The following GMPR variants were observed in gnomAD, a reference collection of about 807,000 sequenced individuals.
GMPR encodes GMP reductase 1.
Under a neutral mutation model 38.4 loss-of-function variants are expected in GMPR, and 31 were observed. That is an observed-to-expected ratio of 0.81 (90% CI 0.61 to 1.09). The LOEUF (loss-of-function observed/expected upper bound fraction) is 1.09. GMPR is among the 50% of genes least tolerant of loss of function. The probability of loss-of-function intolerance (pLI) is 0.00; values close to 1 mark genes in which losing one functional copy is unlikely to be tolerated. For missense variants in GMPR, 468 were observed against 453.7 expected, an observed-to-expected ratio of 1.03 and a Z score of -0.29; for synonymous variants, 162 against 173.3, an observed-to-expected ratio of 0.93 and a Z score of 0.51.
intron 6 of GMPR, among the ~76,000 whole-genome samples, chr6:16,279,735 G>A (rs1759543518): frequency 6.6e-6 from 1 of 152,190 alleles, no homozygotes; most frequent in South Asian, 2.1e-4. Context: ...CAGGCGTGAG[G>A]GGCAGCAGGA....
chr6:16,267,188 C>T (rs1003800848), intron 4 of GMPR, among the ~76,000 whole-genome samples: 4 of 152,034 alleles, frequency 2.6e-5, no homozygotes, highest in Non-Finnish European at 5.9e-5. Flanking sequence ...ACGGTGAAAC[C>T]CTATCTCTAC....
intron 2 of GMPR, among the ~76,000 whole-genome samples, chr6:16,247,377 CT>C (rs539745655): frequency 6.9e-3 from 978 of 141,326 alleles, no homozygotes; most frequent in Non-Finnish European, 6.0e-3. Context: ...TAATGTATTT[CT>C]TTTTTTTTTT....
At chr6:16,264,458 C>T (rs1015890367) in intron 4 of GMPR, 11 of 173,218 alleles carry the variant, frequency 6.4e-5, no homozygotes, top group African/African-American at 2.2e-4. Context: ...GGAGGTCCCC[C>T]GATCTGAGTC....
At chr6:16,244,777 G>A (rs375812210) in intron 1 of GMPR, among the ~76,000 whole-genome samples, 1 of 152,170 alleles carries the variant, frequency 6.6e-6, no homozygotes, top group Non-Finnish European at 1.5e-5. Context: ...CCTGGGTTAT[G>A]TGTGTGTGTC....
intron 4 of GMPR, among the ~76,000 whole-genome samples, chr6:16,264,010 GC>G: frequency 6.6e-6 from 1 of 151,832 alleles, no homozygotes; most frequent in Non-Finnish European, 1.5e-5. Flanking sequence ...TAGGGTACTT[GC>G]CCCTTCCCCA....
intron 5 of GMPR, among the ~76,000 whole-genome samples, chr6:16,277,101 C>T (rs1759486268): frequency 6.6e-6 from 1 of 152,204 alleles, no homozygotes; most frequent in Non-Finnish European, 1.5e-5. Context: ...ACCTTTTATT[C>T]TGCCGTGCAC....
chr6:16,284,484 C>T (rs1490273588), intron 6 of GMPR, among the ~76,000 whole-genome samples: 2 of 152,212 alleles, frequency 1.3e-5, no homozygotes, highest in African/African-American at 2.4e-5. Flanking sequence ...CGGACAGGTG[C>T]TTCCCTCTGA....
intron 4 of GMPR, chr6:16,264,366 CT>C: frequency 3.9e-6 from 1 of 253,168 alleles, no homozygotes; most frequent in South Asian, 4.1e-5. Flanking sequence ...TGAGATGTTT[CT>C]TGGGCTGGTC....
At chr6:16,289,087 C>T (rs577997077) in intron 7 of GMPR, among the ~76,000 whole-genome samples, 14 of 152,326 alleles carry the variant, frequency 9.2e-5, no homozygotes, top group East Asian at 3.9e-4. Context: ...TTGTTTCGCT[C>T]TTTGCAATAG....
intron 7 of GMPR, among the ~76,000 whole-genome samples, chr6:16,289,319 G>A (rs924869123): frequency 2.0e-5 from 3 of 152,216 alleles, no homozygotes; most frequent in South Asian, 2.1e-4. Flanking sequence ...TCCGAACACA[G>A]TAGCAGTTCC....
chr6:16,289,549 T>A (rs1227520212), intron 7 of GMPR: 3 of 152,262 alleles, frequency 2.0e-5, no homozygotes, highest in Non-Finnish European at 4.4e-5. Context: ...GTGCCTGTCC[T>A]GGAAATGTGC....
chr6:16,288,452 G>A (rs549016427), intron 7 of GMPR, among the ~76,000 whole-genome samples: 31 of 152,218 alleles, frequency 2.0e-4, no homozygotes, highest in Non-Finnish European at 2.9e-4. Flanking sequence ...GCCCACTGGC[G>A]CTGCGCTGGA....
At chr6:16,258,571 C>T (rs1005993192) in intron 4 of GMPR, among the ~76,000 whole-genome samples, 2 of 152,234 alleles carry the variant, frequency 1.3e-5, no homozygotes, top group African/African-American at 2.4e-5. Flanking sequence ...CTCCAGCACC[C>T]GCTGGCTGGC....
intron 6 of GMPR, among the ~76,000 whole-genome samples, chr6:16,284,746 G>A (rs547714298): frequency 2.6e-5 from 4 of 152,222 alleles, no homozygotes; most frequent in Admixed American, 2.0e-4. Flanking sequence ...GTGGCTGGGC[G>A]CGGTGGTGCA....
In GMPR at chr6:16,294,999, C is replaced by T; in HGVS notation, c.858-7C>T. ...TAGATAAAAAGAAAACTTCTATCGT[C>T]TTCCAGAGCCTCTGAGGGTAAGACT... On this transcript the variant is annotated splice_polypyrimidine_tract_variant and splice_region_variant and intron_variant, in intron 8 of 8. Coordinates refer to ENST00000259727, the MANE Select transcript of GMPR (RefSeq NM_006877.4). 6.2e-7 allele frequency: 1 copy of T among 1,603,622 alleles called. No individual in the cohort carries two copies. Among genetic ancestry groups the T allele is most frequent in the South Asian group, 1.1e-5 (1 of 90,516 alleles).
At chr6:16,273,965 G>A (rs886218481) in intron 4 of GMPR, among the ~76,000 whole-genome samples, 5 of 151,934 alleles carry the variant, frequency 3.3e-5, no homozygotes, top group African/African-American at 7.3e-5. Flanking sequence ...ACAGGCATGC[G>A]CCACCAGGCC....
At chr6:16,292,293 G>T (rs1759854216) in intron 8 of GMPR, among the ~76,000 whole-genome samples, 1 of 152,034 alleles carries the variant, frequency 6.6e-6, no homozygotes, top group South Asian at 2.1e-4. Context: ...AGATTTGTAG[G>T]TGGGGGGATT....
intron 2 of GMPR, among the ~76,000 whole-genome samples, chr6:16,247,678 A>G (rs1438580824): frequency 6.6e-6 from 1 of 152,140 alleles, no homozygotes; most frequent in Non-Finnish European, 1.5e-5. Flanking sequence ...CCCGGCCTGT[A>G]TCTCTTAATT....
At chr6:16,250,707 GT>G (rs1758855735) in intron 3 of GMPR, among the ~76,000 whole-genome samples, 1 of 152,116 alleles carries the variant, frequency 6.6e-6, no homozygotes, top group African/African-American at 2.4e-5. Flanking sequence ...GTGCTTTAGA[GT>G]TGAGTAAACA....
Sources: gnomAD v4.1 joint callset for allele counts (sites outside exome capture counted in the v4.1 genomes callset) on GRCh38, gnomAD v4.1.1 for gene constraint, MANE v1.5 for transcripts, NCBI Gene and HGNC (gene_info 2026-07-23, HGNC 2026-07-21) for gene names.